Variants in BTNL3 observed in about 807,000 individuals in gnomAD.
BTNL3 encodes butyrophilin-like protein 3.
Under a neutral mutation model 40.1 loss-of-function variants are expected in BTNL3, and 20 were observed. That is an observed-to-expected ratio of 0.50 (90% confidence interval 0.35 to 0.72). BTNL3 has a LOEUF of 0.72. Ranked by LOEUF, BTNL3 falls within the 30% of genes least tolerant of loss-of-function variation. The pLI, the probability that BTNL3 is intolerant of heterozygous loss-of-function variation, is 0.01. For missense variants in BTNL3, 449 were observed against 582.2 expected (o/e 0.77, Z 2.35); for synonymous variants, 179 against 222.1 (o/e 0.81, Z 1.73).
intron 4 of BTNL3, among the ~76,000 whole-genome samples, chr5:181,003,540 C>T (rs11960731): frequency 0.13 from 17,252 of 135,702 alleles, 2,981 homozygotes; most frequent in Middle Eastern, 0.19. Context: ...ATTTCCTCCT[C>T]CTTGGGAGTG....
In BTNL3 at chr5:181,005,695, G is replaced by A. The variant is rs778641529; in HGVS notation, c.1224G>A (p.Gly408=). The change falls in exon 8 of 8, where the codon GGG becomes GGA. Residue 408 remains glycine, a synonymous_variant. Transcript: ENST00000342868. The part of the protein sequence containing the change: ...LPPSTPPTRV[G]VFLDYEGGTI... The stretch of plus-strand genomic sequence containing the variant: ...CCAGCACCCCTCCTACACGAGTAGG[G>A]GTCTTCCTGGACTATGAGGGTGGGA... The A allele has an allele frequency of 1.2e-6, 2 of 1,614,030 alleles. No homozygotes were observed. Among genetic ancestry groups the A allele is most frequent in the East Asian group, 4.5e-5 (2 of 44,880 alleles).
In BTNL3 at chr5:180,991,156, C is replaced by T. The variant is rs1031260972; in HGVS notation, c.50-1657C>T. ...GTGGTGAGGAGCAGGGCCTCAACATCTGCTACACCAGGTCAGCAGCTGGTC... is the reference window on the plus strand; with the variant it reads ...GTGGTGAGGAGCAGGGCCTCAACATTTGCTACACCAGGTCAGCAGCTGGTC... On this transcript the variant is annotated intron_variant, in intron 1 of 7. Transcript: ENST00000342868. Among the ~76,000 whole-genome samples, 4 of 137,224 alleles carry T rather than the reference C, an allele frequency of 2.9e-5. No individual in the cohort carries two copies. The East Asian group carries it at 8.6e-4, about 30-fold the overall frequency. The allele number at this position is 137,224 out of a possible 152,430, so 90.0% of individuals were successfully genotyped here.
intron 2 of BTNL3, among the ~76,000 whole-genome samples, chr5:180,995,788 A>G (rs1438382735): frequency 7.4e-6 from 1 of 135,520 alleles, no homozygotes; most frequent in Non-Finnish European, 1.7e-5. Flanking sequence ...CTTCTGCTGG[A>G]GGTGGGAGTG....
rs1202903307 is a variant in BTNL3 at position 180,994,019 on chromosome 5, G to T, written c.397+859G>T. 1.5e-5 allele frequency among the ~76,000 whole-genome samples: 2 copies of T among 135,664 alleles called. 1 individual carries two copies. The highest frequency in any genetic ancestry group is 3.4e-5 in the Non-Finnish European group (2 of 59,394). 89.0% of individuals were successfully genotyped at this position (135,664 alleles called of 152,430 possible). On this transcript the variant is annotated intron_variant, in intron 2 of 7. Transcript: ENST00000342868. Reference sequence around the variant, plus strand: ...GGGGTTCTGCCATGTTGGCCAGCTGGTCTCAAACTCCTGGCCTCAAATGAT... The same window carrying T: ...GGGGTTCTGCCATGTTGGCCAGCTGTTCTCAAACTCCTGGCCTCAAATGAT...
chr5:180,991,595 C>T (rs1205932262), intron 1 of BTNL3, among the ~76,000 whole-genome samples: 1 of 136,652 alleles, frequency 7.3e-6, no homozygotes, highest in African/African-American at 2.5e-5. Flanking sequence ...GAAAGTAGCG[C>T]TCACCATTCC....
Position 180,997,299 on chromosome 5 carries a change from C to T in BTNL3, c.484C>T (p.Gln162Ter). Residue 162 changes from glutamine to a stop codon, truncating the protein, a stop_gained, in exon 3 of 8, where the codon CAG becomes TAG. Transcript: ENST00000342868. LOFTEE classifies it high-confidence loss of function. ...CTGCCTGTCCTCAGGCTGGTTCCCCCAGCCCACAGCCAAGTGGAAAGGTCC... is the reference window on the plus strand; with the variant it reads ...CTGCCTGTCCTCAGGCTGGTTCCCCTAGCCCACAGCCAAGTGGAAAGGTCC... Reference protein sequence around the residue: ...LLCLSSGWFPQPTAKWKGPQG... With the variant: ...LLCLSSGWFP 1 of 1,464,720 alleles carries T rather than the reference C, an allele frequency of 6.8e-7. No individual in the cohort carries two copies. The highest frequency in any genetic ancestry group is 9.4e-7 in the Non-Finnish European group (1 of 1,059,506). The allele number at this position is 1,464,720 out of a possible 1,614,324, so 90.7% of individuals were successfully genotyped here. A position where few individuals can be genotyped will look rare whatever the true frequency, so the allele number is the denominator to read the frequency against.
Position 181,005,989 on chromosome 5 carries a change from GC to G in BTNL3, c.*123del. ...CCGGAGCCTGCGCACAGAGAGTCAC[GC>G]CCCCCACTCTCCTTTAGGGAGCTGA... On this transcript the variant is annotated 3_prime_UTR_variant, in exon 8 of 8. Coordinates refer to ENST00000342868, the MANE Select transcript of BTNL3 (RefSeq NM_197975.3). 2.6e-6 allele frequency: 3 copies of G among 1,162,712 alleles called. No individual in the cohort carries two copies. The highest frequency in any genetic ancestry group is 2.4e-6 in the Non-Finnish European group (2 of 841,978). The allele number at this position is 1,162,712 out of a possible 1,614,324, so 72.0% of individuals were successfully genotyped here.
At chr5:180,997,090 G>A in intron 2 of BTNL3, 123 bp from the exon 3 acceptor site, 1 of 698,376 alleles carries the variant, frequency 1.4e-6, no homozygotes, top group Non-Finnish European at 2.0e-6. Flanking sequence ...GTGTGTGTGT[G>A]AGAGAGAGAG....
In BTNL3 at chr5:181,006,240, C is replaced by G. The variant is rs2113092338; in HGVS notation, c.*368C>G. The stretch of plus-strand genomic sequence containing the variant: ...TAGTCACGGACAGTGATTCCTGCCT[C>G]ACAGGTGAAGATTAAAGAGACAACG... On this transcript the variant is annotated 3_prime_UTR_variant, in exon 8 of 8. Coordinates refer to ENST00000342868, the MANE Select transcript of BTNL3 (RefSeq NM_197975.3). The G allele has an allele frequency of 2.5e-6, 1 of 401,186 alleles. No homozygotes were observed. Among genetic ancestry groups the G allele is most frequent in the South Asian group, 1.3e-4 (1 of 7,974 alleles). The allele number at this position is 401,186 out of a possible 1,614,324, so 24.9% of individuals were successfully genotyped here. A position where few individuals can be genotyped will look rare whatever the true frequency, so the allele number is the denominator to read the frequency against.
chr5:181,005,995 C>A lies in BTNL3; in HGVS notation c.*123C>A. The A allele has an allele frequency of 1.8e-6, 2 of 1,131,012 alleles. No individual in the cohort carries two copies. Among genetic ancestry groups the A allele is most frequent in the East Asian group, 2.6e-5 (1 of 38,610 alleles). 70.1% of individuals were successfully genotyped at this position (1,131,012 alleles called of 1,614,324 possible). A position where few individuals can be genotyped will look rare whatever the true frequency, so the allele number is the denominator to read the frequency against. On this transcript the variant is annotated 3_prime_UTR_variant, in exon 8 of 8. Coordinates refer to ENST00000342868, the MANE Select transcript of BTNL3 (RefSeq NM_197975.3). ...CCTGCGCACAGAGAGTCACGCCCCC[C>A]ACTCTCCTTTAGGGAGCTGAGGTTC...
At chr5:180,994,989 G>A (rs1426497620) in intron 2 of BTNL3, among the ~76,000 whole-genome samples, 1 of 134,958 alleles carries the variant, frequency 7.4e-6, no homozygotes, top group Non-Finnish European at 1.7e-5. Context: ...GGGTTTCACC[G>A]TGTTAACCAG....
rs1209710136 is a variant in BTNL3 at position 180,993,457 on chromosome 5, A to G, written c.397+297A>G. 2.9e-5 allele frequency among the ~76,000 whole-genome samples: 4 copies of G among 136,094 alleles called. 1 individual carries two copies. The highest frequency in any genetic ancestry group is 6.7e-5 in the Non-Finnish European group (4 of 59,564). 89.3% of individuals were successfully genotyped at this position (136,094 alleles called of 152,430 possible). On this transcript the variant is annotated intron_variant, in intron 2 of 7. Coordinates refer to ENST00000342868, the MANE Select transcript of BTNL3 (RefSeq NM_197975.3). ...GAGTGATAATGCCTGTCATATTTCA[A>G]TTTCTTTTATTTTCTTCTTTTTTCT...
At chr5:181,003,830 C>T (rs752733568) in intron 4 of BTNL3, 26 bp from the exon 5 acceptor site, 5 of 1,614,002 alleles carry the variant, frequency 3.1e-6, no homozygotes, top group Non-Finnish European at 3.4e-6. Context: ...CTGTGTCCAC[C>T]ACTGAATATA....
Position 180,998,345 on chromosome 5 carries a change from C to G in BTNL3, c.673+857C>G, listed in dbSNP as rs180739589. 7.2e-4 allele frequency among the ~76,000 whole-genome samples: 97 copies of G among 135,018 alleles called. 20 individuals carry two copies. The highest frequency in any genetic ancestry group is 1.4e-3 in the Non-Finnish European group (84 of 59,342). The allele number at this position is 135,018 out of a possible 152,430, so 88.6% of individuals were successfully genotyped here. A position where few individuals can be genotyped will look rare whatever the true frequency, so the allele number is the denominator to read the frequency against. On this transcript the variant is annotated intron_variant, in intron 3 of 7. Coordinates refer to ENST00000342868, the MANE Select transcript of BTNL3 (RefSeq NM_197975.3). ...AAAATTTTAAATATATATACATGTA[C>G]CTTATACATGTAAAACATAGAAAAT...
chr5:181,005,152 G>T (rs1760197128), intron 7 of BTNL3, among the ~76,000 whole-genome samples, 182 bp from the exon 8 acceptor site: 1 of 152,094 alleles, frequency 6.6e-6, no homozygotes, highest in Non-Finnish European at 1.5e-5. Context: ...TCTCATGGTT[G>T]AGCATCTCCA....
rs762454537 is a variant in BTNL3, at chr5:181,005,557, A to G, written c.1086A>G (p.Val362=). The G allele has an allele frequency of 6.2e-7, 1 of 1,614,068 alleles. No homozygotes were observed. Among genetic ancestry groups the G allele is most frequent in the South Asian group, 1.1e-5 (1 of 91,084 alleles). Reference sequence around the variant, plus strand: ...ATGTGGGAGTGTGTCGGGATGACGTAGACAGGGGGAAGAACAATGTGACTT... The same window carrying G: ...ATGTGGGAGTGTGTCGGGATGACGTGGACAGGGGGAAGAACAATGTGACTT... The part of the protein sequence containing the change: ...GWYVGVCRDD[V]DRGKNNVTLS... Residue 362 remains valine (V), a synonymous_variant, in exon 8 of 8, where the codon GTA becomes GTG. Coordinates refer to ENST00000342868, the MANE Select transcript of BTNL3 (RefSeq NM_197975.3).
chr5:181,000,336 CA>C (rs1398174986), intron 3 of BTNL3, among the ~76,000 whole-genome samples: 2 of 136,964 alleles, frequency 1.5e-5, no homozygotes, highest in East Asian at 4.3e-4. Context: ...ATGATTTCAA[CA>C]CTTGCAAATC....
rs1307087206 is a variant in BTNL3 at position 181,005,852 on chromosome 5, T to C, written c.1381T>C (p.Cys461Arg). The C allele has an allele frequency of 6.8e-6, 11 of 1,607,724 alleles. No individual in the cohort carries two copies. Among genetic ancestry groups the C allele is most frequent in the South Asian group, 2.2e-5 (2 of 89,830 alleles). The change falls in exon 8 of 8, where the codon TGT (cysteine) becomes CGT (arginine). Residue 461 changes from cysteine to arginine, a missense_variant. By Grantham distance (180) the Cys-to-Arg change is radical. Around this residue, in one of 2 missense-constraint regions of BTNL3, gnomAD observed 126 missense variants for 117.2 expected, o/e 1.07. Coordinates refer to ENST00000342868, the MANE Select transcript of BTNL3 (RefSeq NM_197975.3). ...GGAAAAGGGGACTCCCATATTCATA[T>C]GTCCAGTGTCCTGGGGATGAGACAG... ...DEEKGTPIFICPVSWG is the reference protein window; with the variant it reads ...DEEKGTPIFIRPVSWG
In BTNL3 at chr5:180,998,832, C is replaced by A; in HGVS notation, c.673+1344C>A. Among the ~76,000 whole-genome samples, 2 of 137,450 alleles carry A rather than the reference C, an allele frequency of 1.5e-5. 1 individual carries two copies. The highest frequency in any genetic ancestry group is 3.3e-5 in the Non-Finnish European group (2 of 59,984). The allele number at this position is 137,450 out of a possible 152,430, so 90.2% of individuals were successfully genotyped here. ...ATAGAACTAATATAGTTTTCTGAGT[C>A]AAAATTTTATCTGGCCGGGCGCAGT... On this transcript the variant is annotated intron_variant, in intron 3 of 7. Transcript: ENST00000342868.
Sources: allele counts gnomAD v4.1 joint callset (sites outside exome capture counted in the v4.1 genomes callset), GRCh38; gene constraint gnomAD v4.1.1; regional missense constraint gnomAD v4.1.1; transcripts MANE v1.5; gene names NCBI Gene and HGNC (gene_info 2026-07-23, HGNC 2026-07-21).